TTC7B: variants seen among roughly 807,000 people sequenced by gnomAD.
The protein encoded by TTC7B is tetratricopeptide repeat domain 7B, also known as tetratricopeptide repeat protein 7B.
In TTC7B, 28 loss-of-function variants were observed where a neutral mutation model predicts 106.8. That is an observed-to-expected ratio of 0.26 (90% CI 0.19 to 0.36). The LOEUF (loss-of-function observed/expected upper bound fraction) is 0.36, where lower values mean the gene tolerates loss of function less well. TTC7B is among the 10% of genes least tolerant of loss of function. The pLI is 1.00. For synonymous variants in TTC7B, 405 were observed against 430.6 expected, an observed-to-expected ratio of 0.94 and a Z score of 0.74; for missense variants, 862 against 1,076.4, an observed-to-expected ratio of 0.80 and a Z score of 2.79.
At chr14:90,686,060 G>C (rs756776403) in intron 7 of TTC7B, among the ~76,000 whole-genome samples, 1 of 152,114 alleles carries the variant, frequency 6.6e-6, no homozygotes, top group Admixed American at 6.5e-5. Flanking sequence ...CTGCAGAATA[G>C]TATCCTTTAT....
intron 17 of TTC7B, among the ~76,000 whole-genome samples, chr14:90,603,684 ATTTTCCCTTCTATGAAGTCAAAGGTT>A (rs1460293483): frequency 6.6e-6 from 1 of 152,182 alleles, no homozygotes; most frequent in African/African-American, 2.4e-5. Context: ...GGTTGGGCTA[ATTTTCCCTTCTATGAAGTCAAAGGTT>A]TGGAGGGAGA....
At chr14:90,719,211 C>T (rs1440664778) in intron 5 of TTC7B, among the ~76,000 whole-genome samples, 1 of 152,156 alleles carries the variant, frequency 6.6e-6, no homozygotes, top group African/African-American at 2.4e-5. Flanking sequence ...GAGGTCAAGG[C>T]TGCAGTGGGC....
chr14:90,579,582 G>A (rs566125427), intron 18 of TTC7B, among the ~76,000 whole-genome samples: 11 of 152,180 alleles, frequency 7.2e-5, no homozygotes, highest in Non-Finnish European at 1.3e-4. Flanking sequence ...CGGATAGCTT[G>A]AGGTCAGGAG....
At chr14:90,756,684 C>T (rs780386182) in intron 3 of TTC7B, among the ~76,000 whole-genome samples, 5 of 152,000 alleles carry the variant, frequency 3.3e-5, no homozygotes, top group African/African-American at 1.2e-4. Context: ...TGTGAGCCAC[C>T]GCGCCTGGCC....
In TTC7B at chr14:90,808,978, T is replaced by C. The variant is rs2140063966; in HGVS notation, c.121+7197A>G. On this transcript the variant is annotated intron_variant, in intron 1 of 19. Transcript: ENST00000328459. This position sits in a 1 kb window ranked among gnomAD's most constrained non-coding sequence, Gnocchi z 4.2. ...CAGCAGCCAGTAACGACCAAACGCCTGACTCAGTGTGGCTTCAACAAGAAG... is the reference window on the plus strand; with the variant it reads ...CAGCAGCCAGTAACGACCAAACGCCCGACTCAGTGTGGCTTCAACAAGAAG... Among the ~76,000 whole-genome samples the C allele has an allele frequency of 1.3e-5, 2 of 152,328 alleles. No homozygotes were observed. The highest frequency in any genetic ancestry group is 3.9e-4 in the East Asian group (2 of 5,176).
rs144791186 is a variant in TTC7B at position 90,815,508 on chromosome 14, T to G, written c.121+667A>C. 9.0e-4 allele frequency among the ~76,000 whole-genome samples: 136 copies of G among 151,604 alleles called. 1 individual carries two copies. Among genetic ancestry groups the G allele is most frequent in the African/African-American group, 3.0e-3 (123 of 41,288 alleles). ...ACATTCCCATCTCGCTCCACAATAT[T>G]CTCCCTCCAGGTCCCCCTGACTCTA... On this transcript the variant is annotated intron_variant, in intron 1 of 19. Transcript: ENST00000328459.
At chr14:90,633,354 G>A (rs1214614677) in intron 15 of TTC7B, among the ~76,000 whole-genome samples, 3 of 152,180 alleles carry the variant, frequency 2.0e-5, no homozygotes, top group African/African-American at 7.2e-5. Context: ...AAAATCTATG[G>A]AAGAATTGCA....
intron 14 of TTC7B, among the ~76,000 whole-genome samples, chr14:90,645,929 G>A (rs1885426114): frequency 6.6e-6 from 1 of 152,216 alleles, no homozygotes; most frequent in Non-Finnish European, 1.5e-5. Context: ...CTGGGCAAAA[G>A]GAAGAAGTGC....
chr14:90,710,029 C>A lies in TTC7B; in HGVS notation c.699-14451G>T, dbSNP rs1595305797. ...ATTGTATTTTCAGGCTGCTAACTGT[C>A]AATATTTTGGATAAACTTTTCTACT... On this transcript the variant is annotated intron_variant, in intron 5 of 19. Coordinates refer to ENST00000328459, the MANE Select transcript of TTC7B (RefSeq NM_001010854.2). Among the ~76,000 whole-genome samples, 8 of 111,804 alleles carry A rather than the reference C, an allele frequency of 7.2e-5. No homozygotes were observed. In the East Asian group the frequency reaches 7.6e-4, roughly 11 times the overall value. 73.3% of individuals were successfully genotyped at this position (111,804 alleles called of 152,430 possible). A position where few individuals can be genotyped will look rare whatever the true frequency, so the allele number is the denominator to read the frequency against.
chr14:90,621,474 C>T (rs1418367626), intron 15 of TTC7B, among the ~76,000 whole-genome samples: 10 of 148,010 alleles, frequency 6.8e-5, no homozygotes, highest in Non-Finnish European at 6.0e-5. Context: ...AGAAGCCATG[C>T]GGGTATGGCT....
chr14:90,525,086 CT>C lies in TTC7B; in HGVS notation c.*16281del, dbSNP rs1327956086. The C allele has an allele frequency of 6.6e-6, 1 of 152,178 alleles. No individual in the cohort carries two copies. Among genetic ancestry groups the C allele is most frequent in the Non-Finnish European group, 1.5e-5 (1 of 68,050 alleles). 9.4% of individuals were successfully genotyped at this position (152,178 alleles called of 1,614,324 possible). Reference sequence around the variant, plus strand: ...TCTTTATCATCTTTGAAACCCCTCCCTCTGGCCCCCCCTCCACCCCCAAGTC... The same window carrying C: ...TCTTTATCATCTTTGAAACCCCTCCCCTGGCCCCCCCTCCACCCCCAAGTC... On this transcript the variant is annotated 3_prime_UTR_variant, in exon 20 of 20. Coordinates refer to ENST00000328459, the MANE Select transcript of TTC7B (RefSeq NM_001010854.2).
chr14:90,564,555 G>C (rs1890711545), intron 19 of TTC7B, among the ~76,000 whole-genome samples: 1 of 152,172 alleles, frequency 6.6e-6, no homozygotes, highest in Non-Finnish European at 1.5e-5. Context: ...CTTCTCCTTT[G>C]TAGCTATGAA....
intron 16 of TTC7B, among the ~76,000 whole-genome samples, chr14:90,612,977 T>C (rs1892936644): frequency 6.6e-6 from 1 of 152,222 alleles, no homozygotes; most frequent in Non-Finnish European, 1.5e-5. Flanking sequence ...CTCCACCAGC[T>C]GGGAAACAGC....
intron 19 of TTC7B, among the ~76,000 whole-genome samples, chr14:90,564,591 T>C (rs965219391): frequency 1.3e-5 from 2 of 152,180 alleles, no homozygotes; most frequent in Non-Finnish European, 2.9e-5. Context: ...CTTTTTCCAA[T>C]AGGAGGCTGT....
At chr14:90,730,581 G>A (rs1024434811) in intron 4 of TTC7B, among the ~76,000 whole-genome samples, 3 of 152,180 alleles carry the variant, frequency 2.0e-5, no homozygotes, top group African/African-American at 7.2e-5. Flanking sequence ...ACCAATGGCC[G>A]AGGTCACTCA....
rs1263602210 is a variant in TTC7B, at chr14:90,525,198, C to G, written c.*16170G>C. The G allele has an allele frequency of 6.6e-6, 1 of 151,924 alleles. No individual in the cohort carries two copies. Among genetic ancestry groups the G allele is most frequent in the Non-Finnish European group, 1.5e-5 (1 of 68,020 alleles). 9.4% of individuals were successfully genotyped at this position (151,924 alleles called of 1,614,324 possible). ...CTAGAGTTTTCTATAAATGGAATCA[C>G]ACAGCACGTTCTTTTTTGACTGGCT... On this transcript the variant is annotated 3_prime_UTR_variant, in exon 20 of 20. Coordinates refer to ENST00000328459, the MANE Select transcript of TTC7B (RefSeq NM_001010854.2).
At chr14:90,695,310 C>A (rs1731563295) in intron 6 of TTC7B, among the ~76,000 whole-genome samples, 190 bp downstream of exon 6, 1 of 131,162 alleles carries the variant, frequency 7.6e-6, no homozygotes, top group South Asian at 2.5e-4. Flanking sequence ...ATATATGTCA[C>A]ATATATTTAT....
rs2030747185 is a variant in TTC7B, at chr14:90,808,900, TG to T, written c.121+7274del. Among the ~76,000 whole-genome samples the T allele has an allele frequency of 6.6e-6, 1 of 152,206 alleles. No homozygotes were observed. The highest frequency in any genetic ancestry group is 6.5e-5 in the Admixed American group (1 of 15,286). On this transcript the variant is annotated intron_variant, in intron 1 of 19. Coordinates refer to ENST00000328459, the MANE Select transcript of TTC7B (RefSeq NM_001010854.2). The surrounding 1 kb of genome is among the most constrained non-coding windows in gnomAD (Gnocchi z 4.2). Reference sequence around the variant, plus strand: ...CCCAGGGCACAGCTGGCCGGGCAGCTGGGGTGCAGGGATGCTCTGGGTAAGT... The same window carrying T: ...CCCAGGGCACAGCTGGCCGGGCAGCTGGGTGCAGGGATGCTCTGGGTAAGT...
At chr14:90,670,315 C>T (rs1595265864) in intron 9 of TTC7B, among the ~76,000 whole-genome samples, 2 of 151,922 alleles carry the variant, frequency 1.3e-5, no homozygotes, top group Non-Finnish European at 2.9e-5. Flanking sequence ...TTCATAAAGA[C>T]AAAAATTAGA....
Sources: gnomAD v4.1 joint callset for allele counts (sites outside exome capture counted in the v4.1 genomes callset) on GRCh38, gnomAD v4.1.1 for gene constraint, Gnocchi (gnomAD v3.1) non-coding constraint, MANE v1.5 for transcripts, NCBI Gene and HGNC (gene_info 2026-07-23, HGNC 2026-07-21) for gene names.